UXS1: variants seen among roughly 807,000 people sequenced by gnomAD.
The protein encoded by UXS1 is UDP-glucuronic acid decarboxylase 1.
A neutral mutation model predicts 62.6 loss-of-function variants in UXS1; 33 were observed. That is an observed-to-expected ratio of 0.53 (90% CI 0.40 to 0.70). The LOEUF is 0.70. Among genes scored for constraint, UXS1 ranks in the 30% least tolerant of loss-of-function variants. UXS1 has a pLI of 0.00. For missense variants in UXS1, 434 were observed against 556.3 expected (o/e 0.78, Z 2.21); for synonymous variants, 213 against 206.8 (o/e 1.03, Z -0.26).
At chr2:106,185,761 C>G (rs1684513299) in intron 1 of UXS1, among the ~76,000 whole-genome samples, 1 of 152,108 alleles carries the variant, frequency 6.6e-6, no homozygotes, top group Admixed American at 6.5e-5. Flanking sequence ...AATCTAGTGA[C>G]AAATGTTCTT....
At chr2:106,103,486 G>A (rs573938110) in intron 11 of UXS1, among the ~76,000 whole-genome samples, 11 of 152,270 alleles carry the variant, frequency 7.2e-5, no homozygotes, top group Admixed American at 4.6e-4. Flanking sequence ...ATGGAAAGAC[G>A]GTACTCAATC....
At chr2:106,188,188 C>T (rs1329541405) in intron 1 of UXS1, among the ~76,000 whole-genome samples, 1 of 152,114 alleles carries the variant, frequency 6.6e-6, no homozygotes, top group African/African-American at 2.4e-5. Context: ...TCTCCATATC[C>T]CTCCTCCCTG....
chr2:106,174,334 A>T (rs895466906), intron 1 of UXS1, among the ~76,000 whole-genome samples: 1 of 152,256 alleles, frequency 6.6e-6, no homozygotes, highest in Non-Finnish European at 1.5e-5. Flanking sequence ...TAGTCTGAGC[A>T]AATCTGGAAG....
intron 1 of UXS1, among the ~76,000 whole-genome samples, chr2:106,167,574 C>T (rs1190939406): frequency 6.6e-6 from 1 of 151,954 alleles, no homozygotes; most frequent in Non-Finnish European, 1.5e-5. Flanking sequence ...TCCATAGAAG[C>T]ACATCTCTCT....
At chr2:106,111,155 C>T (rs1045530463) in intron 10 of UXS1, among the ~76,000 whole-genome samples, 3 of 152,112 alleles carry the variant, frequency 2.0e-5, no homozygotes, top group Admixed American at 6.5e-5. Flanking sequence ...TCCAAGGCTA[C>T]GGCAATAAAT....
chr2:106,159,260 C>T (rs968031433), intron 4 of UXS1: 1 of 152,266 alleles, frequency 6.6e-6, no homozygotes, highest in East Asian at 1.9e-4. Flanking sequence ...AAAGCAGCTT[C>T]GTGAAGTCAC....
chr2:106,141,193 G>A (rs1385797045), intron 6 of UXS1, among the ~76,000 whole-genome samples: 1 of 152,080 alleles, frequency 6.6e-6, no homozygotes, highest in Non-Finnish European at 1.5e-5. Flanking sequence ...GCCACAAAAT[G>A]GAACACTAAG....
In UXS1 at chr2:106,180,046, T is replaced by C. The variant is rs376787439; in HGVS notation, c.95-13963A>G. Among the ~76,000 whole-genome samples, 64 of 151,632 alleles carry C rather than the reference T, an allele frequency of 4.2e-4. No individual in the cohort carries two copies. The East Asian group carries it at 0.012, about 27-fold the overall frequency. Reference sequence around the variant, plus strand: ...ATCACTTGAACCCAGGAGGCAGAGATTGCAGTGAGCCGAGATCACACCACT... The same window carrying C: ...ATCACTTGAACCCAGGAGGCAGAGACTGCAGTGAGCCGAGATCACACCACT... On this transcript the variant is annotated intron_variant, in intron 1 of 14. Coordinates refer to ENST00000283148, the MANE Select transcript of UXS1 (RefSeq NM_001253875.2).
chr2:106,121,651 C>G (rs1418344191), intron 9 of UXS1, among the ~76,000 whole-genome samples: 2 of 152,162 alleles, frequency 1.3e-5, no homozygotes, highest in Non-Finnish European at 2.9e-5. Flanking sequence ...TAAAACTGAT[C>G]GGCATTTCAT....
At chr2:106,116,122 A>G (rs1679036486) in intron 9 of UXS1, among the ~76,000 whole-genome samples, 1 of 152,234 alleles carries the variant, frequency 6.6e-6, no homozygotes. Context: ...CTGACAGGCA[A>G]GAGGTGACCC....
At chr2:106,125,042 G>A (rs1679815798) in intron 8 of UXS1, among the ~76,000 whole-genome samples, 1 of 152,182 alleles carries the variant, frequency 6.6e-6, no homozygotes, top group African/African-American at 2.4e-5. Context: ...AACACACATT[G>A]AAAACACAGC....
chr2:106,162,954 G>A (rs773538831), intron 4 of UXS1, among the ~76,000 whole-genome samples: 26 of 152,000 alleles, frequency 1.7e-4, no homozygotes, highest in Non-Finnish European at 2.5e-4. Flanking sequence ...CCCAATAAGG[G>A]GAAAAAATCA....
intron 6 of UXS1, chr2:106,138,612 G>A: frequency 1.1e-5 from 11 of 985,542 alleles, no homozygotes; most frequent in Non-Finnish European, 1.3e-5. Context: ...GAAGAGATGA[G>A]CGTAAACTGG....
At chr2:106,118,904 G>A (rs564542318) in intron 9 of UXS1, among the ~76,000 whole-genome samples, 1 of 152,194 alleles carries the variant, frequency 6.6e-6, no homozygotes, top group East Asian at 1.9e-4. Context: ...ACTTAAGGGG[G>A]ATATGTTATT....
chr2:106,114,496 T>C (rs1318878612), intron 9 of UXS1, among the ~76,000 whole-genome samples: 2 of 152,210 alleles, frequency 1.3e-5, no homozygotes, highest in African/African-American at 4.8e-5. Context: ...TGAATGGATG[T>C]GGCTTTATTC....
In UXS1 at chr2:106,164,742, A is replaced by G. The variant is rs778698325; in HGVS notation, c.180T>C (p.Ile60=). ...AAATAGAAAAAAGACTAACCTCTTC[A>G]ATCTTGCTTTCAATTTTTAGTTCAC... ...ENGELKIESK[I]EEMVEPLREK... is the part of the protein sequence containing the mutation. Residue 60 remains isoleucine (I), a synonymous_variant, in exon 3 of 15, where the codon ATT becomes ATC. Transcript: ENST00000283148. 23 of 1,580,880 alleles carry G rather than the reference A, an allele frequency of 1.5e-5. No homozygotes were observed. The African/African-American group carries it at 2.8e-4, about 19-fold the overall frequency.
At chr2:106,096,552 A>C (rs1253015321) in intron 14 of UXS1, among the ~76,000 whole-genome samples, 166 bp downstream of exon 14, 2 of 152,172 alleles carry the variant, frequency 1.3e-5, no homozygotes. Context: ...GACTCCTGAT[A>C]CAGGAGAGGC....
intron 13 of UXS1, among the ~76,000 whole-genome samples, chr2:106,098,341 C>T (rs752584868): frequency 7.9e-5 from 12 of 152,224 alleles, no homozygotes; most frequent in Non-Finnish European, 1.8e-4. Context: ...TCAAACCTGC[C>T]TGAAGCACGC....
intron 9 of UXS1, among the ~76,000 whole-genome samples, chr2:106,119,471 C>T (rs1475909215): frequency 3.3e-5 from 5 of 152,164 alleles, no homozygotes; most frequent in Non-Finnish European, 5.9e-5. Context: ...TGAGATTAAA[C>T]GGACTGAGCC....
Sources: allele counts gnomAD v4.1 joint callset (sites outside exome capture counted in the v4.1 genomes callset), GRCh38; gene constraint gnomAD v4.1.1; transcripts MANE v1.5; gene names NCBI Gene and HGNC (gene_info 2026-07-23, HGNC 2026-07-21).